GIT2: variants seen among roughly 807,000 people sequenced by gnomAD.
GIT2 encodes the protein GIT ArfGAP 2.
A neutral mutation model predicts 100.3 loss-of-function variants in GIT2; 32 were observed. The ratio of observed to expected loss-of-function variants is 0.32; its 90% CI spans 0.24 to 0.43. The LOEUF is 0.43. Ranked by LOEUF, GIT2 falls within the 20% of genes least tolerant of loss-of-function variation. The pLI, the probability that GIT2 is intolerant of heterozygous loss-of-function variation, is 1.00. For missense variants in GIT2, 737 were observed against 975.1 expected (o/e 0.76, Z 3.25); for synonymous variants, 353 against 364.1 (o/e 0.97, Z 0.35).
chr12:109,938,617 C>T, intron 17 of GIT2, 49 bp from the exon 18 acceptor site: 1 of 1,410,292 alleles, frequency 7.1e-7, no homozygotes, highest in Non-Finnish European at 9.7e-7. Context: ...TTATCAGCTG[C>T]CCCTCTGCTT....
At position 109,961,679 on chromosome 12, in the gene GIT2, T is replaced by A; in HGVS notation, c.823A>T (p.Asn275Tyr). Residue 275 changes from asparagine to tyrosine, a missense_variant, in exon 10 of 20, where the codon AAT becomes TAT. Around this residue, in one of 3 missense-constraint regions of GIT2, gnomAD observed 266 missense variants for 376.2 expected, o/e 0.71. Coordinates refer to ENST00000355312, the MANE Select transcript of GIT2 (RefSeq NM_057169.5). ...AAKKKLQSLSNHLFEELAMDV... is the reference protein window; with the variant it reads ...AAKKKLQSLSYHLFEELAMDV... ...ATGGCAAGTTCTTCAAACAAATGAT[T>A]ACTTAGCTGAAAATAAAAAATATCA... is the stretch of plus-strand genomic sequence containing the variant. The A allele has an allele frequency of 6.3e-7, 1 of 1,580,726 alleles. No homozygotes were observed. Among genetic ancestry groups the A allele is most frequent in the Non-Finnish European group, 8.7e-7 (1 of 1,149,886 alleles).
At chr12:109,991,790 G>A (rs763851992) in intron 1 of GIT2, 30 bp from the exon 2 acceptor site, 9 of 1,594,384 alleles carry the variant, frequency 5.6e-6, no homozygotes, top group Non-Finnish European at 7.7e-6. Context: ...TCAGTGGCAG[G>A]GATACCAGCA....
intron 13 of GIT2, among the ~76,000 whole-genome samples, chr12:109,952,165 A>C (rs1057397894): frequency 3.3e-5 from 5 of 152,204 alleles, no homozygotes; most frequent in Non-Finnish European, 4.4e-5. Context: ...ATCTTCTATA[A>C]ATCTGTCTCC....
At chr12:109,961,492 G>A (rs1881080643) in intron 10 of GIT2, 117 bp from the exon 11 acceptor site, 1 of 935,206 alleles carries the variant, frequency 1.1e-6, no homozygotes. Flanking sequence ...ACACGCAAAG[G>A]CAAACGTCGA....
chr12:109,950,393 T>C (rs1877495538), intron 14 of GIT2, among the ~76,000 whole-genome samples: 1 of 152,252 alleles, frequency 6.6e-6, no homozygotes, highest in African/African-American at 2.4e-5. Context: ...AGCTGAATGA[T>C]GAGTGATACC....
rs1015578909 is a variant in GIT2, at chr12:109,965,407, A to G, written c.816+119T>C. On this transcript the variant is annotated intron_variant, in intron 9 of 19. Transcript: ENST00000355312. Reference sequence around the variant, plus strand: ...ATACTCAACAGTCTGCTTCTAGTTTAACAAATAAAAGTATGAAATAAAGTC... The same window carrying G: ...ATACTCAACAGTCTGCTTCTAGTTTGACAAATAAAAGTATGAAATAAAGTC... The G allele has an allele frequency of 1.6e-5, 10 of 636,658 alleles. No individual in the cohort carries two copies. The African/African-American group carries it at 1.7e-4, about 11-fold the overall frequency. 39.4% of individuals were successfully genotyped at this position (636,658 alleles called of 1,614,324 possible). A position where few individuals can be genotyped will look rare whatever the true frequency, so the allele number is the denominator to read the frequency against.
chr12:109,980,226 C>A, intron 7 of GIT2, among the ~76,000 whole-genome samples: 1 of 152,062 alleles, frequency 6.6e-6, no homozygotes, highest in Non-Finnish European at 1.5e-5. Flanking sequence ...CCATGCCTGG[C>A]TGATTTTTTA....
intron 9 of GIT2, among the ~76,000 whole-genome samples, chr12:109,963,014 A>G (rs922258588): frequency 6.6e-6 from 1 of 151,828 alleles, no homozygotes; most frequent in Admixed American, 6.5e-5. Context: ...TCGAAAAAAA[A>G]AGAAAAAACA....
At chr12:109,946,768 T>G (rs993589683) in intron 15 of GIT2, among the ~76,000 whole-genome samples, 2 of 152,126 alleles carry the variant, frequency 1.3e-5, no homozygotes, top group African/African-American at 4.8e-5. Flanking sequence ...CAGCCTTGCC[T>G]GGGTACCTGG....
chr12:109,966,834 G>C lies in GIT2; in HGVS notation c.764+624C>G, dbSNP rs193149141. ...AGCAATGAACTCATCTGCTCTTATA[G>C]ACCAGGGGTCAGAAAAATTATGGCC... On this transcript the variant is annotated intron_variant, in intron 8 of 19. Coordinates refer to ENST00000355312, the MANE Select transcript of GIT2 (RefSeq NM_057169.5). Among the ~76,000 whole-genome samples the C allele has an allele frequency of 5.9e-5, 9 of 152,328 alleles. No individual in the cohort carries two copies. The East Asian group carries it at 1.7e-3, about 29-fold the overall frequency.
intron 1 of GIT2, among the ~76,000 whole-genome samples, chr12:109,993,004 A>G (rs1459892814): frequency 6.6e-6 from 1 of 151,932 alleles, no homozygotes; most frequent in Non-Finnish European, 1.5e-5. Flanking sequence ...ACCAAGTCCA[A>G]TCCTGCAACT....
intron 7 of GIT2, among the ~76,000 whole-genome samples, chr12:109,972,831 A>T: frequency 6.7e-6 from 1 of 149,860 alleles, no homozygotes; most frequent in Middle Eastern, 3.5e-3. Flanking sequence ...ATTTTTCTCT[A>T]TTTTTTTTTG....
At position 109,933,347 on chromosome 12, in the gene GIT2, T is replaced by C. The variant is rs916922159; in HGVS notation, c.2068-157A>G. 4.6e-5 allele frequency: 27 copies of C among 590,692 alleles called. No homozygotes were observed. The highest frequency in any genetic ancestry group is 4.3e-4 in the African/African-American group (23 of 53,946). The allele number at this position is 590,692 out of a possible 1,614,324, so 36.6% of individuals were successfully genotyped here. A position where few individuals can be genotyped will look rare whatever the true frequency, so the allele number is the denominator to read the frequency against. On this transcript the variant is annotated intron_variant, in intron 19 of 19. Coordinates refer to ENST00000355312, the MANE Select transcript of GIT2 (RefSeq NM_057169.5). The surrounding 1 kb of genome is among the most constrained non-coding windows in gnomAD (Gnocchi z 4.5). Reference sequence around the variant, plus strand: ...AGGGGTGCTTCACACACTCCAAGCTTTGCAGCCCACAGCGTAAGAGATGCT... The same window carrying C: ...AGGGGTGCTTCACACACTCCAAGCTCTGCAGCCCACAGCGTAAGAGATGCT...
At chr12:109,977,803 CAG>C (rs2136694569) in intron 7 of GIT2, among the ~76,000 whole-genome samples, 1 of 137,886 alleles carries the variant, frequency 7.3e-6, no homozygotes, top group East Asian at 2.0e-4. Flanking sequence ...GCCTGGGCAA[CAG>C]AGAGATACTC....
At chr12:109,966,248 C>T (rs1307331869) in intron 8 of GIT2, among the ~76,000 whole-genome samples, 4 of 141,524 alleles carry the variant, frequency 2.8e-5, no homozygotes, top group African/African-American at 7.8e-5. Flanking sequence ...CCCGCCTCGG[C>T]CTCTCAAAGT....
Position 109,947,499 on chromosome 12 carries a change from T to C in GIT2, c.1398A>G (p.Gln466=), listed in dbSNP as rs372885261. The C allele has an allele frequency of 3.3e-5, 53 of 1,611,732 alleles. No individual in the cohort carries two copies. The highest frequency in any genetic ancestry group is 3.9e-5 in the Non-Finnish European group (46 of 1,178,468). ...DELRIMQKKL[Q]TLQSENSNLR... is the part of the protein sequence containing the mutation. ...GGTTCGAATTTTCACTCTGGAGTGT[T>C]TGAAGCTGAAAGAAATGTTTGGCAG... The change falls in exon 15 of 20, where the codon CAA becomes CAG. Residue 466 remains glutamine (Q), a synonymous_variant. Coordinates refer to ENST00000355312, the MANE Select transcript of GIT2 (RefSeq NM_057169.5). This position sits in a 1 kb window ranked among gnomAD's most constrained non-coding sequence, Gnocchi z 4.3.
intron 16 of GIT2, among the ~76,000 whole-genome samples, chr12:109,942,500 A>AT (rs1477660473): frequency 6.6e-6 from 1 of 152,030 alleles, no homozygotes; most frequent in African/African-American, 2.4e-5. Flanking sequence ...CACCTGGCTA[A>AT]TTTTTTGTAT....
chr12:109,939,420 A>G lies in GIT2; in HGVS notation c.1732-173T>C. 5.8e-6 allele frequency: 3 copies of G among 515,692 alleles called. No individual in the cohort carries two copies. The South Asian group carries it at 6.2e-5, about 11-fold the overall frequency. 31.9% of individuals were successfully genotyped at this position (515,692 alleles called of 1,614,324 possible). On this transcript the variant is annotated intron_variant, in intron 16 of 19. Coordinates refer to ENST00000355312, the MANE Select transcript of GIT2 (RefSeq NM_057169.5). Reference sequence around the variant, plus strand: ...TAAAAGATGAATATTGGATCCAGAAATGGCCTCTTTCCTTCTTTGCACCAT... The same window carrying G: ...TAAAAGATGAATATTGGATCCAGAAGTGGCCTCTTTCCTTCTTTGCACCAT...
rs1343957664 is a variant in GIT2, at chr12:109,934,383, T to C, written c.2004-298A>G. ...AATTCACCCCTCCTCACGTCAGTCA[T>C]TTACTTCTCATGTGTTTCATCGTCC... On this transcript the variant is annotated intron_variant, in intron 18 of 19. Transcript: ENST00000355312. The surrounding 1 kb of genome is among the most constrained non-coding windows in gnomAD (Gnocchi z 4.5). Among the ~76,000 whole-genome samples the C allele has an allele frequency of 6.6e-6, 1 of 152,208 alleles. No individual in the cohort carries two copies. Among genetic ancestry groups the C allele is most frequent in the Non-Finnish European group, 1.5e-5 (1 of 68,034 alleles).
Sources: allele counts gnomAD v4.1 joint callset (sites outside exome capture counted in the v4.1 genomes callset), GRCh38; gene constraint gnomAD v4.1.1; regional missense constraint gnomAD v4.1.1; non-coding constraint Gnocchi (gnomAD v3.1); transcripts MANE v1.5; gene names NCBI Gene and HGNC (gene_info 2026-07-23, HGNC 2026-07-21).